ELOVL7: variants seen among roughly 807,000 people sequenced by gnomAD.
ELOVL7 encodes the protein very long chain fatty acid elongase 7.
ELOVL7 carries 27 observed loss-of-function variants against 35.7 expected under a neutral mutation model. The observed-to-expected ratio is 0.76, with a 90% CI of 0.56 to 1.04. The LOEUF (loss-of-function observed/expected upper bound fraction) is 1.04. Among genes scored for constraint, ELOVL7 ranks in the 50% least tolerant of loss-of-function variants. ELOVL7 has a pLI of 0.00. For missense variants in ELOVL7, 327 were observed against 340.8 expected (o/e 0.96, Z 0.32); for synonymous variants, 113 against 114.6 (o/e 0.99, Z 0.09).
chr5:60,831,299 A>G (rs1300593022), intron 1 of ELOVL7, among the ~76,000 whole-genome samples: 2 of 152,240 alleles, frequency 1.3e-5, no homozygotes, highest in East Asian at 3.8e-4. Flanking sequence ...TTTATAATGT[A>G]TACAGTAAGT....
chr5:60,833,967 T>A (rs113521314), intron 1 of ELOVL7, among the ~76,000 whole-genome samples: 25 of 152,368 alleles, frequency 1.6e-4, no homozygotes, highest in Non-Finnish European at 3.5e-4. Flanking sequence ...CTTTTATAAT[T>A]ACTATTTGAA....
chr5:60,816,694 G>A (rs1337294925), intron 1 of ELOVL7, among the ~76,000 whole-genome samples: 1 of 152,082 alleles, frequency 6.6e-6, no homozygotes, highest in Non-Finnish European at 1.5e-5. Flanking sequence ...AAATATTTAA[G>A]AAATTAACCA....
chr5:60,751,825 G>C lies in ELOVL7; in HGVS notation c.*2799C>G, dbSNP rs1211804159. On this transcript the variant is annotated 3_prime_UTR_variant, in exon 9 of 9. Coordinates refer to ENST00000508821, the MANE Select transcript of ELOVL7 (RefSeq NM_024930.3). ...TACCACAAATTTATTATAATACACA[G>C]GGAAAAACAAACTCAAACTTTGACA... The C allele has an allele frequency of 6.6e-6, 1 of 152,054 alleles. No homozygotes were observed. Among genetic ancestry groups the C allele is most frequent in the Non-Finnish European group, 1.5e-5 (1 of 68,010 alleles). The allele number at this position is 152,054 out of a possible 1,614,324, so 9.4% of individuals were successfully genotyped here.
At chr5:60,772,653 CCT>C (rs1285953483) in intron 3 of ELOVL7, among the ~76,000 whole-genome samples, 1 of 152,148 alleles carries the variant, frequency 6.6e-6, no homozygotes, top group Non-Finnish European at 1.5e-5. Flanking sequence ...CACTCTCCTC[CCT>C]CTCTCCACTG....
chr5:60,818,885 G>A (rs1257131683), intron 1 of ELOVL7, among the ~76,000 whole-genome samples: 1 of 151,450 alleles, frequency 6.6e-6, no homozygotes, highest in Non-Finnish European at 1.5e-5. Flanking sequence ...GTGGGCACCT[G>A]TAATCCCAGC....
intron 1 of ELOVL7, among the ~76,000 whole-genome samples, chr5:60,820,234 T>C (rs988242515): frequency 1.2e-4 from 19 of 152,330 alleles, no homozygotes; most frequent in Middle Eastern, 3.4e-3. Context: ...CAAGCTCCCA[T>C]TGGAGCTCCA....
intron 3 of ELOVL7, among the ~76,000 whole-genome samples, chr5:60,785,386 T>A (rs1055258496): frequency 1.3e-5 from 2 of 152,248 alleles, no homozygotes; most frequent in Admixed American, 6.5e-5. Context: ...TATTAAGGCA[T>A]TTTTAACTTC....
intron 7 of ELOVL7, among the ~76,000 whole-genome samples, 160 bp from the exon 8 acceptor site, chr5:60,757,805 T>C (rs1741637569): frequency 6.6e-6 from 1 of 152,168 alleles, no homozygotes; most frequent in Non-Finnish European, 1.5e-5. Flanking sequence ...GGGGGCTGGA[T>C]AGTATATTTA....
At chr5:60,801,603 T>G (rs1744618594) in intron 1 of ELOVL7, among the ~76,000 whole-genome samples, 1 of 151,834 alleles carries the variant, frequency 6.6e-6, no homozygotes, top group African/African-American at 2.4e-5. Flanking sequence ...TACAGGAGGC[T>G]AAGGCAGGAC....
chr5:60,810,446 A>T (rs1745177834), intron 1 of ELOVL7, among the ~76,000 whole-genome samples: 1 of 152,246 alleles, frequency 6.6e-6, no homozygotes, highest in Admixed American at 6.5e-5. Context: ...CTGCTTAAAA[A>T]GCTTCTACAG....
Position 60,771,934 on chromosome 5 carries a change from A to T in ELOVL7, c.224T>A (p.Ile75Lys). 6.2e-7 allele frequency: 1 copy of T among 1,613,426 alleles called. No individual in the cohort carries two copies. The highest frequency in any genetic ancestry group is 8.5e-7 in the Non-Finnish European group (1 of 1,179,678). ...KKAMITYNFF[I>K]VLFSVYMCYE... ...ACACATATACACAGAAAAGAGTACTATGAAAAAATTGTACGTTATCATTGC... is the reference window on the plus strand; with the variant it reads ...ACACATATACACAGAAAAGAGTACTTTGAAAAAATTGTACGTTATCATTGC... Residue 75 changes from isoleucine (I) to lysine (K), a missense_variant, in exon 4 of 9, where the codon ATA (isoleucine) becomes AAA (lysine). Physicochemically the swap from Ile to Lys is moderately radical, Grantham distance 102. Coordinates refer to ENST00000508821, the MANE Select transcript of ELOVL7 (RefSeq NM_024930.3).
rs1741348098 is a variant in ELOVL7, at chr5:60,752,970, A to G, written c.*1654T>C. On this transcript the variant is annotated 3_prime_UTR_variant, in exon 9 of 9. Transcript: ENST00000508821. ...GAAAAAAAAATAATAAATTATATAT[A>G]TATATGTAATTACTCCCATTTATCA... 6.6e-6 allele frequency: 1 copy of G among 151,868 alleles called. No individual in the cohort carries two copies. Among genetic ancestry groups the G allele is most frequent in the South Asian group, 2.1e-4 (1 of 4,830 alleles). The allele number at this position is 151,868 out of a possible 1,614,324, so 9.4% of individuals were successfully genotyped here. A position where few individuals can be genotyped will look rare whatever the true frequency, so the allele number is the denominator to read the frequency against.
chr5:60,817,605 A>C (rs1579909409), intron 1 of ELOVL7, among the ~76,000 whole-genome samples: 2 of 147,548 alleles, frequency 1.4e-5, no homozygotes, highest in South Asian at 4.2e-4. Context: ...ATTAGTATAT[A>C]TATTAGTTTA....
Position 60,830,609 on chromosome 5 carries a change from C to CT in ELOVL7, c.-86+13550dup, listed in dbSNP as rs55973952. ...TCAGAGGCTTTTTTTTTCTTTCTTT[C>CT]TTTTTTTTTTTTTTTGGTAGTATGA... On this transcript the variant is annotated intron_variant, in intron 1 of 8. Transcript: ENST00000508821. 7.8e-3 allele frequency among the ~76,000 whole-genome samples: 990 copies of CT among 127,352 alleles called. 5 individuals are homozygous for CT. The highest frequency in any genetic ancestry group is 0.018 in the African/African-American group (619 of 34,682). 83.5% of individuals were successfully genotyped at this position (127,352 alleles called of 152,430 possible).
chr5:60,842,573 G>A (rs1747240754), intron 1 of ELOVL7, among the ~76,000 whole-genome samples: 1 of 151,798 alleles, frequency 6.6e-6, no homozygotes, highest in African/African-American at 2.4e-5. Flanking sequence ...AAGGAAAAGA[G>A]GGACCTGAGA....
In ELOVL7 at chr5:60,767,140, G is replaced by T. The variant is rs546477533; in HGVS notation, c.337-510C>A. On this transcript the variant is annotated intron_variant, in intron 5 of 8. Coordinates refer to ENST00000508821, the MANE Select transcript of ELOVL7 (RefSeq NM_024930.3). ...GATGGAGTCTCACTCTGTCATCTAG[G>T]TTGGAGTGCAATGGTGCAATCTCGG... Among the ~76,000 whole-genome samples, 9 of 152,092 alleles carry T rather than the reference G, an allele frequency of 5.9e-5. No homozygotes were observed. The East Asian group carries it at 1.7e-3, about 29-fold the overall frequency.
In ELOVL7 at chr5:60,772,037, G is replaced by A. The variant is rs762086930; in HGVS notation, c.121C>T (p.Leu41=). 1 of 1,613,506 alleles carries A rather than the reference G, an allele frequency of 6.2e-7. No individual in the cohort carries two copies. Among genetic ancestry groups the A allele is most frequent in the Non-Finnish European group, 8.5e-7 (1 of 1,179,704 alleles). The stretch of plus-strand genomic sequence containing the variant: ...GTGACAAAATAGACATAGAATCCTA[G>A]GAGGATGGTTTGTGGCAGAGGCGAG... ...MSSPLPQTIL[L]GFYVYFVTSL... The change falls in exon 4 of 9, where the codon CTA becomes TTA. Residue 41 remains leucine, a synonymous_variant. Transcript: ENST00000508821.
At position 60,754,816 on chromosome 5, in the gene ELOVL7, G is replaced by A. The variant is rs367806058; in HGVS notation, c.654C>T (p.Val218=). Reference sequence around the variant, plus strand: ...AAAAGAACTGGCTTATGTGGATGGCGACAATAACAAACTGGACCTAAGAAA... The same window carrying A: ...AAAAGAACTGGCTTATGTGGATGGCAACAATAACAAACTGGACCTAAGAAA... ...TSLQLVQFVI[V]AIHISQFFFM... is the part of the protein sequence containing the mutation. The change falls in exon 9 of 9, where the codon GTC becomes GTT. Residue 218 remains valine (V), a synonymous_variant. Transcript: ENST00000508821. 2.4e-5 allele frequency: 39 copies of A among 1,613,786 alleles called. No homozygotes were observed. The East Asian group carries it at 2.7e-4, about 11-fold the overall frequency.
chr5:60,791,508 C>T (rs769922253), intron 2 of ELOVL7, among the ~76,000 whole-genome samples: 1 of 152,122 alleles, frequency 6.6e-6, no homozygotes. Flanking sequence ...GAAACCTGCA[C>T]GTGTACCCCC....
Sources: allele counts gnomAD v4.1 joint callset (sites outside exome capture counted in the v4.1 genomes callset), GRCh38; gene constraint gnomAD v4.1.1; transcripts MANE v1.5; gene names NCBI Gene and HGNC (gene_info 2026-07-23, HGNC 2026-07-21).